CHODL: variants seen among roughly 807,000 people sequenced by gnomAD.
The protein encoded by CHODL is transmembrane protein MT75.
Under a neutral mutation model 34.5 loss-of-function variants are expected in CHODL, and 29 were observed. That is an observed-to-expected ratio of 0.84 (90% confidence interval 0.63 to 1.15). CHODL has a LOEUF of 1.15. Among genes scored for constraint, CHODL ranks in the 50% most tolerant of loss-of-function variants. The pLI is 0.00. For missense variants in CHODL, 332 were observed against 332.5 expected, an observed-to-expected ratio of 1.00 and a Z score of 0.01; for synonymous variants, 125 against 116.1, an observed-to-expected ratio of 1.08 and a Z score of -0.49.
chr21:18,118,880 C>G (rs934917378), intron 2 of CHODL, among the ~76,000 whole-genome samples: 4 of 152,136 alleles, frequency 2.6e-5, no homozygotes, highest in African/African-American at 7.2e-5. Context: ...TTTCAAAATG[C>G]TTTCACATAC....
chr21:18,240,618 A>C (rs2074072659), upstream of CHODL, among the ~76,000 whole-genome samples: 3 of 152,190 alleles, frequency 2.0e-5, no homozygotes, highest in Admixed American at 2.0e-4. Flanking sequence ...TGGTTGTATT[A>C]ACATATATTA....
At chr21:17,942,855 T>C (rs73321594) in intron 1 of CHODL, among the ~76,000 whole-genome samples, 3,319 of 152,266 alleles carry the variant, frequency 0.022, 124 homozygotes, top group African/African-American at 0.075. Context: ...TAGAAGGTGA[T>C]TGGATCATGG....
intron 2 of CHODL, among the ~76,000 whole-genome samples, chr21:18,238,700 A>G (rs1271960804): frequency 6.6e-6 from 1 of 151,972 alleles, no homozygotes; most frequent in African/African-American, 2.4e-5. Context: ...AGTAAGTAAT[A>G]TTTTTTCCAG....
chr21:18,265,206 C>T (rs11909592), intron 5 of CHODL, among the ~76,000 whole-genome samples: 29 of 135,808 alleles, frequency 2.1e-4, no homozygotes, highest in African/African-American at 9.6e-4. Flanking sequence ...CACACACACA[C>T]ATATATGTAT....
At chr21:17,968,036 A>C (rs1231741397) in intron 1 of CHODL, among the ~76,000 whole-genome samples, 1 of 152,200 alleles carries the variant, frequency 6.6e-6, no homozygotes, top group Non-Finnish European at 1.5e-5. Context: ...AAACACTCCA[A>C]ATACTCCAGT....
At chr21:18,132,734 G>A (rs1429586787) in intron 2 of CHODL, among the ~76,000 whole-genome samples, 1 of 151,962 alleles carries the variant, frequency 6.6e-6, no homozygotes, top group Non-Finnish European at 1.5e-5. Context: ...TGTTGTTTTT[G>A]TATATTAACA....
At chr21:18,108,123 CA>C (rs1236258468) in intron 2 of CHODL, among the ~76,000 whole-genome samples, 1 of 150,784 alleles carries the variant, frequency 6.6e-6, no homozygotes, top group Non-Finnish European at 1.5e-5. Context: ...ACTCACTTTA[CA>C]AGGCAGTTGC....
intron 1 of CHODL, among the ~76,000 whole-genome samples, chr21:17,953,379 A>G (rs1007674102): frequency 2.6e-5 from 4 of 152,162 alleles, no homozygotes; most frequent in South Asian, 2.1e-4. Flanking sequence ...AGGCAAGAGT[A>G]TTGCCCAAGT....
chr21:18,163,752 A>G (rs1205470856), intron 2 of CHODL, among the ~76,000 whole-genome samples: 3 of 152,024 alleles, frequency 2.0e-5, no homozygotes, highest in Non-Finnish European at 4.4e-5. Flanking sequence ...TTCATTGATA[A>G]TCTGCATTTT....
intron 2 of CHODL, among the ~76,000 whole-genome samples, chr21:18,148,562 C>G (rs370753025): frequency 6.6e-6 from 1 of 152,080 alleles, no homozygotes; most frequent in Admixed American, 6.6e-5. Context: ...GGATACAGTA[C>G]AACCCATATT....
chr21:17,923,651 CG>C (rs2063201051), intron 1 of CHODL, among the ~76,000 whole-genome samples: 1 of 151,878 alleles, frequency 6.6e-6, no homozygotes, highest in African/African-American at 2.4e-5. Flanking sequence ...TTAGTAGAGA[CG>C]GGGTTTCACC....
At chr21:18,200,637 G>C (rs929139964) in intron 2 of CHODL, among the ~76,000 whole-genome samples, 6 of 152,130 alleles carry the variant, frequency 3.9e-5, no homozygotes, top group African/African-American at 9.7e-5. Flanking sequence ...GATTGAAGCA[G>C]CTCAATTTTT....
In CHODL at chr21:17,924,781, GTTTTT is replaced by G. The variant is rs148140336; in HGVS notation, c.-145+7382_-145+7386del. Reference sequence around the variant, plus strand: ...GAAATTAATAAGTCTACAGAAATAAGTTTTTCTTTTTTGTACATTGTCATCATATC... The same window carrying G: ...GAAATTAATAAGTCTACAGAAATAAGCTTTTTTGTACATTGTCATCATATC... On this transcript the variant is annotated intron_variant, in intron 1 of 6. Transcript: ENST00000400127. Among the ~76,000 whole-genome samples the G allele has an allele frequency of 4.7e-3, 716 of 152,274 alleles. 4 individuals are homozygous for G. Among genetic ancestry groups the G allele is most frequent in the African/African-American group, 0.016 (663 of 41,546 alleles).
intron 2 of CHODL, among the ~76,000 whole-genome samples, chr21:18,221,674 C>T (rs573970891): frequency 6.6e-6 from 1 of 152,298 alleles, no homozygotes; most frequent in South Asian, 2.1e-4. Context: ...TCTTTAGTGT[C>T]TCAGGCTGCG....
In CHODL at chr21:18,076,997, G is replaced by T. The variant is rs78078564; in HGVS notation, c.-45+49026G>T. 8.6e-3 allele frequency among the ~76,000 whole-genome samples: 1,307 copies of T among 152,292 alleles called. 55 individuals are homozygous for T. The East Asian group carries it at 0.097, about 11-fold the overall frequency. On this transcript the variant is annotated intron_variant, in intron 2 of 6. Coordinates refer to the CHODL transcript ENST00000400127. ...ATTAGGGTTGTTTGGAACCTTGGCGGCCTATTTACTGACCTGAAAAGCTGT... is the reference window on the plus strand; with the variant it reads ...ATTAGGGTTGTTTGGAACCTTGGCGTCCTATTTACTGACCTGAAAAGCTGT...
intron 1 of CHODL, among the ~76,000 whole-genome samples, chr21:18,248,192 A>G (rs1164595970): frequency 6.6e-6 from 1 of 151,864 alleles, no homozygotes; most frequent in African/African-American, 2.4e-5. Context: ...GGTGATTTAG[A>G]GGCCTCTCTT....
chr21:18,237,657 T>C (rs2074040853), intron 2 of CHODL, among the ~76,000 whole-genome samples: 1 of 152,150 alleles, frequency 6.6e-6, no homozygotes, highest in South Asian at 2.1e-4. Context: ...AAAACCTGGA[T>C]GCAGGTGAAG....
intron 1 of CHODL, among the ~76,000 whole-genome samples, chr21:17,979,447 A>G (rs158001): frequency 0.33 from 50,014 of 151,886 alleles, 8,866 homozygotes; most frequent in East Asian, 0.64. Flanking sequence ...TTTATTTTGA[A>G]TTTTTGGTTC....
intron 2 of CHODL, among the ~76,000 whole-genome samples, chr21:18,209,852 G>A (rs1204580256): frequency 6.6e-6 from 1 of 152,110 alleles, no homozygotes; most frequent in African/African-American, 2.4e-5. Flanking sequence ...GGAGGACTTA[G>A]GACTCTGCCT....
Sources: allele counts gnomAD v4.1 joint callset (sites outside exome capture counted in the v4.1 genomes callset), GRCh38; gene constraint gnomAD v4.1.1; transcripts MANE v1.5; gene names NCBI Gene and HGNC (gene_info 2026-07-23, HGNC 2026-07-21).